Variants in PSD2 observed in about 807,000 individuals in gnomAD.
PSD2 encodes pleckstrin and Sec7 domain containing 2, also known as PH and SEC7 domain-containing protein 2.
A neutral mutation model predicts 69.8 loss-of-function variants in PSD2; 38 were observed. That is an observed-to-expected ratio of 0.54 (90% CI 0.42 to 0.71). The LOEUF (loss-of-function observed/expected upper bound fraction) is 0.71, where lower values mean the gene tolerates loss of function less well. PSD2 is among the 30% of genes least tolerant of loss of function. The pLI is 0.00. For synonymous variants in PSD2, 412 were observed against 423.0 expected (o/e 0.97, Z 0.32); for missense variants, 943 against 1,014.5 (o/e 0.93, Z 0.96).
the PSD2 span, among the ~76,000 whole-genome samples, chr5:139,789,103 C>G: frequency 6.6e-6 from 1 of 152,234 alleles, no homozygotes; most frequent in Non-Finnish European, 1.5e-5. Flanking sequence ...GGTTTCCCTA[C>G]TGTGGGCCTG....
the PSD2 span, among the ~76,000 whole-genome samples, chr5:139,782,972 C>T: frequency 9.2e-5 from 14 of 152,308 alleles, no homozygotes; most frequent in African/African-American, 3.4e-4. Context: ...TCGTCACAAA[C>T]AAAAACTCCA....
In PSD2 at chr5:139,822,020, C is replaced by T; in HGVS notation, c.1210+15C>T. The T allele has an allele frequency of 1.3e-6, 2 of 1,543,716 alleles. No individual in the cohort carries two copies. The highest frequency in any genetic ancestry group is 1.2e-5 in the South Asian group (1 of 86,190). On this transcript the variant is annotated intron_variant, in intron 6 of 14. Transcript: ENST00000274710. ...CACTTCGGAAGGTATGGCCCCTTGC[C>T]CACTCTGCCTGACCCTCCCCACCCA...
intron 7 of PSD2, among the ~76,000 whole-genome samples, chr5:139,832,018 C>G (rs1289204078): frequency 6.6e-6 from 1 of 152,150 alleles, no homozygotes; most frequent in Non-Finnish European, 1.5e-5. Flanking sequence ...GAATGCTGCT[C>G]TTTCTGGGGT....
At chr5:139,810,006 T>C (rs149392285) in intron 2 of PSD2, among the ~76,000 whole-genome samples, 195 bp downstream of exon 2, 61 of 151,482 alleles carry the variant, frequency 4.0e-4, no homozygotes, top group African/African-American at 1.4e-3. Flanking sequence ...GGCCAGCAGA[T>C]TGGGGGGCTG....
the PSD2 span, among the ~76,000 whole-genome samples, chr5:139,766,930 C>CCCTTCTTTCTTTCT: frequency 2.3e-5 from 1 of 44,120 alleles, no homozygotes; most frequent in South Asian, 8.3e-4. Context: ...CCTTCCTTCC[C>CCCTTCTTTCTTTCT]TTCTTTCTTT....
rs983218986 is a variant in PSD2, at chr5:139,837,869, A to G, written c.1823+87A>G. On this transcript the variant is annotated intron_variant, in intron 12 of 14. Coordinates refer to ENST00000274710, the MANE Select transcript of PSD2 (RefSeq NM_032289.4). The surrounding 1 kb of genome is among the most constrained non-coding windows in gnomAD (Gnocchi z 5.0). ...ACAACCCCTCTCCTTCCCGTGAGTC[A>G]GCAACAGAGCATGTGTATCCACATG... is the stretch of plus-strand genomic sequence containing the variant. The G allele has an allele frequency of 3.0e-6, 4 of 1,313,494 alleles. No homozygotes were observed. The African/African-American group carries it at 5.9e-5, about 19-fold the overall frequency. 81.4% of individuals were successfully genotyped at this position (1,313,494 alleles called of 1,614,324 possible).
At chr5:139,744,383 C>T in the PSD2 span, among the ~76,000 whole-genome samples, 1 of 152,182 alleles carries the variant, frequency 6.6e-6, no homozygotes, top group Non-Finnish European at 1.5e-5. Flanking sequence ...CCCTCTCTGA[C>T]TTTACTTTCC....
rs370258156 is a variant in PSD2 at position 139,821,040 on chromosome 5, C to T, written c.1098-853C>T. On this transcript the variant is annotated intron_variant, in intron 5 of 14. Transcript: ENST00000274710. ...CTCTGCCTCCTGGGTTCAAGTGATTCTCTTGCCTCAACCTCCTGAGTAGCT... is the reference window on the plus strand; with the variant it reads ...CTCTGCCTCCTGGGTTCAAGTGATTTTCTTGCCTCAACCTCCTGAGTAGCT... Among the ~76,000 whole-genome samples the T allele has an allele frequency of 2.2e-4, 33 of 152,022 alleles. No individual in the cohort carries two copies. The East Asian group carries it at 3.3e-3, about 15-fold the overall frequency.
intron 7 of PSD2, among the ~76,000 whole-genome samples, chr5:139,825,494 T>C (rs1197391447): frequency 6.6e-6 from 1 of 152,094 alleles, no homozygotes; most frequent in Non-Finnish European, 1.5e-5. Flanking sequence ...TCCATAGTGG[T>C]GTTTGTTTAC....
the PSD2 span, among the ~76,000 whole-genome samples, chr5:139,788,624 A>T: frequency 6.6e-6 from 1 of 152,120 alleles, no homozygotes; most frequent in South Asian, 2.1e-4. Context: ...CACCCCGGCC[A>T]GTTCCCGGGA....
intron 8 of PSD2, among the ~76,000 whole-genome samples, chr5:139,834,254 G>T (rs1760661805): frequency 6.6e-6 from 1 of 152,146 alleles, no homozygotes; most frequent in Admixed American, 6.5e-5. Context: ...AAAAGGAGCA[G>T]GTTTTTGGTG....
intron 12 of PSD2, among the ~76,000 whole-genome samples, chr5:139,838,235 G>T (rs1581741393): frequency 6.6e-6 from 1 of 152,220 alleles, no homozygotes; most frequent in African/African-American, 2.4e-5. Context: ...AGGCTAGTGG[G>T]TGAGGCCTCA....
chr5:139,753,382 G>A, the PSD2 span, among the ~76,000 whole-genome samples: 1 of 152,120 alleles, frequency 6.6e-6, no homozygotes, highest in Non-Finnish European at 1.5e-5. Context: ...ACTGAGCTGT[G>A]ACCCTCCCTC....
At chr5:139,811,846 G>A (rs1279329215) in intron 2 of PSD2, among the ~76,000 whole-genome samples, 1 of 152,080 alleles carries the variant, frequency 6.6e-6, no homozygotes, top group African/African-American at 2.4e-5. Context: ...ACCTGTCTCG[G>A]CCTCCCAAAG....
At chr5:139,788,168 G>C in the PSD2 span, among the ~76,000 whole-genome samples, 305 of 126,458 alleles carry the variant, frequency 2.4e-3, no homozygotes, top group East Asian at 0.01. Context: ...CGGAGAGCCC[G>C]CCCCCCCCGC....
At chr5:139,836,357 G>T (rs1253994475) in intron 9 of PSD2, among the ~76,000 whole-genome samples, 1 of 152,206 alleles carries the variant, frequency 6.6e-6, no homozygotes, top group Admixed American at 6.5e-5. Context: ...CCACAGGGAA[G>T]AGCTGGCACT....
the PSD2 span, among the ~76,000 whole-genome samples, chr5:139,766,851 C>CTTTCTTTA: frequency 6.7e-6 from 1 of 148,966 alleles, no homozygotes; most frequent in Non-Finnish European, 1.5e-5. Context: ...TTCTTTCTTT[C>CTTTCTTTA]TTTCTTTCTT....
chr5:139,813,815 G>T, intron 3 of PSD2, 57 bp downstream of exon 3: 2 of 1,467,308 alleles, frequency 1.4e-6, no homozygotes, highest in Non-Finnish European at 1.8e-6. Context: ...CTGAGACCCA[G>T]AGGGGGCAAA....
Position 139,835,542 on chromosome 5 carries a change from C to T in PSD2, c.1360-181C>T, listed in dbSNP as rs1760694472. 2.6e-5 allele frequency among the ~76,000 whole-genome samples: 4 copies of T among 152,198 alleles called. No individual in the cohort carries two copies. The South Asian group carries it at 8.3e-4, about 32-fold the overall frequency. ...TAAGTGATCACATAATTAAATACCACCCATCCGTACATCCACCCACCCACT... is the reference window on the plus strand; with the variant it reads ...TAAGTGATCACATAATTAAATACCATCCATCCGTACATCCACCCACCCACT... On this transcript the variant is annotated intron_variant, in intron 8 of 14. Coordinates refer to ENST00000274710, the MANE Select transcript of PSD2 (RefSeq NM_032289.4).
Sources: allele counts gnomAD v4.1 joint callset (sites outside exome capture counted in the v4.1 genomes callset), GRCh38; gene constraint gnomAD v4.1.1; non-coding constraint Gnocchi (gnomAD v3.1); transcripts MANE v1.5; gene names NCBI Gene and HGNC (gene_info 2026-07-23, HGNC 2026-07-21).